The following ZNF738 variants were observed in gnomAD, a reference collection of about 807,000 sequenced individuals.
ZNF738 encodes the protein protein ZNF738.
A neutral mutation model predicts 9.2 loss-of-function variants in ZNF738; 10 were observed. The observed-to-expected ratio is 1.09, with a 90% CI of 0.67 to 1.85. ZNF738 has a LOEUF of 1.85. Ranked by LOEUF, ZNF738 falls within the 40% of genes most tolerant of loss-of-function variation. ZNF738 has a pLI of 0.00. For missense variants in ZNF738, 346 were observed against 283.6 expected (o/e 1.22, Z -1.58); for synonymous variants, 113 against 94.5 (o/e 1.20, Z -1.14).
At chr19:21,363,885 T>TAA (rs71176862) in intron 2 of ZNF738, among the ~76,000 whole-genome samples, 1 of 141,328 alleles carries the variant, frequency 7.1e-6, no homozygotes. Context: ...AGACTCCATT[T>TAA]AAAAAAAAAA....
In ZNF738 at chr19:21,375,277, C is replaced by G. The variant is rs754827346; in HGVS notation, c.136C>G (p.Gln46Glu). ...TFRDVVIEFS[Q>E]EEWQCLDTAQ... is the part of the protein sequence containing the mutation. ...TAGGGATGTGGTCATAGAATTCTCT[C>G]AGGAGGAGTGGCAATGCCTGGACAC... is the stretch of plus-strand genomic sequence containing the variant. The change falls in exon 3 of 5, where the codon CAG becomes GAG. Residue 46 changes from glutamine (Q) to glutamate (E), a missense_variant. Transcript: ENST00000683779. 8 of 1,147,712 alleles carry G rather than the reference C, an allele frequency of 7.0e-6. No individual in the cohort carries two copies. The South Asian group carries it at 8.6e-5, about 12-fold the overall frequency. 71.1% of individuals were successfully genotyped at this position (1,147,712 alleles called of 1,614,324 possible).
intron 2 of ZNF738, among the ~76,000 whole-genome samples, 189 bp from the exon 3 acceptor site, chr19:21,375,049 A>C (rs963888780): frequency 2.6e-5 from 4 of 152,182 alleles, no homozygotes; most frequent in Non-Finnish European, 4.4e-5. Flanking sequence ...TGTGGATCTT[A>C]TACCATTCTC....
chr19:21,373,933 A>T (rs558966349), intron 2 of ZNF738, among the ~76,000 whole-genome samples: 3 of 152,294 alleles, frequency 2.0e-5, no homozygotes, highest in African/African-American at 7.2e-5. Flanking sequence ...TTCTTGTGGT[A>T]GTCAAGGGTC....
intron 3 of ZNF738, 35 bp downstream of exon 3, chr19:21,375,399 C>T (rs1599717060): frequency 6.3e-6 from 4 of 637,618 alleles, no homozygotes; most frequent in Admixed American, 5.1e-5. Flanking sequence ...TCCTTATATA[C>T]ACTAAAGGTT....
At chr19:21,363,020 T>C (rs1481747551) in intron 2 of ZNF738, among the ~76,000 whole-genome samples, 5 of 152,224 alleles carry the variant, frequency 3.3e-5, no homozygotes, top group African/African-American at 1.2e-4. Flanking sequence ...AATTCTGTTA[T>C]CTTGATTTCT....
chr19:21,377,269 T>G, intron 4 of ZNF738: 1 of 506,594 alleles, frequency 2.0e-6, no homozygotes, highest in Non-Finnish European at 3.5e-6. Flanking sequence ...ATCGTGCCAT[T>G]GCACTCCAGC....
At chr19:21,366,815 G>A (rs779222837) in intron 2 of ZNF738, among the ~76,000 whole-genome samples, 14 of 152,052 alleles carry the variant, frequency 9.2e-5, no homozygotes, top group Non-Finnish European at 1.8e-4. Flanking sequence ...GGAGGGTAAC[G>A]GAGAATGACC....
chr19:21,365,679 G>A (rs1015086166), intron 2 of ZNF738, among the ~76,000 whole-genome samples: 1 of 152,134 alleles, frequency 6.6e-6, no homozygotes, highest in African/African-American at 2.4e-5. Context: ...CATCTAGGCT[G>A]GGCGTGGTAG....
chr19:21,383,383 G>T lies in ZNF738; in HGVS notation c.837G>T (p.Lys279Asn). 1 of 960,448 alleles carries T rather than the reference G, an allele frequency of 1.0e-6. No individual in the cohort carries two copies. Among genetic ancestry groups the T allele is most frequent in the Non-Finnish European group, 1.6e-6 (1 of 611,636 alleles). The allele number at this position is 960,448 out of a possible 1,614,324, so 59.5% of individuals were successfully genotyped here. Residue 279 changes from lysine (K) to asparagine (N), a missense_variant, in exon 5 of 5, where the codon AAG becomes AAT. Physicochemically the swap from Lys to Asn is moderately conservative, Grantham distance 94. Coordinates refer to ENST00000683779, the MANE Select transcript of ZNF738 (RefSeq NM_001355237.2). ...FNHSTTLTRHKVIHAGEKHYK... is the reference protein window; with the variant it reads ...FNHSTTLTRHNVIHAGEKHYK... Reference sequence around the variant, plus strand: ...ACTCCACAACTCTTACTAGACATAAGGTAATTCATGCTGGAGAGAAACACT... The same window carrying T: ...ACTCCACAACTCTTACTAGACATAATGTAATTCATGCTGGAGAGAAACACT...
intron 2 of ZNF738, among the ~76,000 whole-genome samples, chr19:21,365,956 CAA>C (rs34286707): frequency 7.0e-6 from 1 of 143,502 alleles, no homozygotes. Context: ...GACTCCATCT[CAA>C]AAAAAAAAAA....
chr19:21,377,513 C>CAT, intron 4 of ZNF738: 2 of 312,238 alleles, frequency 6.4e-6, no homozygotes, highest in South Asian at 7.2e-5. Flanking sequence ...CACAGACGTG[C>CAT]ACACACACAC....
chr19:21,360,641 C>CG (rs1292954444), intron 1 of ZNF738: 2 of 151,902 alleles, frequency 1.3e-5, no homozygotes, highest in African/African-American at 4.8e-5. Flanking sequence ...TTTGTAAAGA[C>CG]GGGGGTTTCA....
intron 2 of ZNF738, among the ~76,000 whole-genome samples, chr19:21,370,342 T>G (rs1973840958): frequency 6.6e-6 from 1 of 152,244 alleles, no homozygotes; most frequent in Non-Finnish European, 1.5e-5. Flanking sequence ...GCCTCAAGTT[T>G]TCTATTTTTT....
chr19:21,366,896 C>T lies in ZNF738; in HGVS notation c.96+5038C>T, dbSNP rs187451319. On this transcript the variant is annotated intron_variant, in intron 2 of 4. Coordinates refer to ENST00000683779, the MANE Select transcript of ZNF738 (RefSeq NM_001355237.2). ...ACTTCTTTACTGCAAGCTATTTTAT[C>T]AGCCAGATCTTTGTGACCTGTATCT... is the stretch of plus-strand genomic sequence containing the variant. 7.2e-5 allele frequency among the ~76,000 whole-genome samples: 11 copies of T among 152,246 alleles called. No individual in the cohort carries two copies. The East Asian group carries it at 2.1e-3, about 30-fold the overall frequency.
intron 2 of ZNF738, among the ~76,000 whole-genome samples, chr19:21,371,583 A>T (rs1973857675): frequency 6.6e-6 from 1 of 152,180 alleles, no homozygotes; most frequent in South Asian, 2.1e-4. Context: ...AAAATAGATG[A>T]AGCAGTCAAG....
intron 2 of ZNF738, among the ~76,000 whole-genome samples, chr19:21,362,107 A>G: frequency 4.2e-5 from 1 of 23,866 alleles, no homozygotes; most frequent in East Asian, 1.5e-3. Flanking sequence ...GATAATAATA[A>G]TAATAATAAT....
intron 4 of ZNF738, chr19:21,381,293 A>G (rs1974000425): frequency 6.3e-7 from 1 of 1,590,106 alleles, no homozygotes. Flanking sequence ...CTCACTGGAT[A>G]ATTTGTCTTC....
chr19:21,364,739 T>G (rs1426543493), intron 2 of ZNF738, among the ~76,000 whole-genome samples: 2 of 72,032 alleles, frequency 2.8e-5, no homozygotes, highest in African/African-American at 1.3e-4. Flanking sequence ...TTTATGGTTC[T>G]TTCTTTTTTT....
intron 2 of ZNF738, among the ~76,000 whole-genome samples, chr19:21,374,426 A>G (rs972664023): frequency 2.0e-5 from 3 of 152,262 alleles, no homozygotes; most frequent in Non-Finnish European, 4.4e-5. Flanking sequence ...CTCAGTAATG[A>G]TGCTGTGTTC....
Sources: allele counts gnomAD v4.1 joint callset (sites outside exome capture counted in the v4.1 genomes callset), GRCh38; gene constraint gnomAD v4.1.1; transcripts MANE v1.5; gene names NCBI Gene and HGNC (gene_info 2026-07-23, HGNC 2026-07-21).